C12orf42: variants seen among roughly 807,000 people sequenced by gnomAD.
The protein encoded by C12orf42 is uncharacterized protein C12orf42.
In C12orf42, 25 loss-of-function variants were observed where a neutral mutation model predicts 21.6. That is an observed-to-expected ratio of 1.16 (90% confidence interval 0.84 to 1.62). The LOEUF is 1.62. C12orf42 is among the 40% of genes most tolerant of loss of function. The pLI is 0.00. For synonymous variants in C12orf42, 174 were observed against 175.0 expected, an observed-to-expected ratio of 0.99 and a Z score of 0.05; for missense variants, 483 against 459.3, an observed-to-expected ratio of 1.05 and a Z score of -0.47.
chr12:103,117,567 CTTGTT>C, the C12orf42 span, among the ~76,000 whole-genome samples: 1 of 152,198 alleles, frequency 6.6e-6, no homozygotes, highest in Non-Finnish European at 1.5e-5. Flanking sequence ...CTTACATTTC[CTTGTT>C]TAACCTTCAC....
the C12orf42 span, among the ~76,000 whole-genome samples, chr12:103,127,383 T>C: frequency 6.6e-6 from 1 of 152,192 alleles, no homozygotes; most frequent in Non-Finnish European, 1.5e-5. Context: ...ATTATTCACG[T>C]GCTATTACCC....
At chr12:103,277,810 G>A (rs922755548) in intron 4 of C12orf42, among the ~76,000 whole-genome samples, 2 of 151,866 alleles carry the variant, frequency 1.3e-5, no homozygotes, top group Non-Finnish European at 2.9e-5. Flanking sequence ...TAGTAGAGAT[G>A]GGGTTTCACT....
the C12orf42 span, among the ~76,000 whole-genome samples, chr12:103,115,357 T>A: frequency 6.6e-6 from 1 of 152,178 alleles, no homozygotes; most frequent in South Asian, 2.1e-4. Context: ...CACACCCCAA[T>A]TACAGCTTAG....
At chr12:103,201,878 CA>C in the C12orf42 span, among the ~76,000 whole-genome samples, 1 of 152,066 alleles carries the variant, frequency 6.6e-6, no homozygotes. Context: ...TTGTTAACAT[CA>C]TTTGCATAGT....
At chr12:103,305,883 A>T in intron 5 of C12orf42, 91 bp downstream of exon 5, 1 of 1,429,576 alleles carries the variant, frequency 7.0e-7, no homozygotes, top group Non-Finnish European at 9.4e-7. Context: ...ACTGGCCATG[A>T]AGTCAATATT....
At chr12:103,121,301 GTGATT>G in the C12orf42 span, among the ~76,000 whole-genome samples, 1 of 152,186 alleles carries the variant, frequency 6.6e-6, no homozygotes, top group Non-Finnish European at 1.5e-5. Flanking sequence ...ACTACAGATT[GTGATT>G]TACCAGAGAA....
the C12orf42 span, among the ~76,000 whole-genome samples, chr12:103,137,695 A>C: frequency 6.6e-6 from 1 of 152,206 alleles, no homozygotes; most frequent in African/African-American, 2.4e-5. Flanking sequence ...TCATCCATAA[A>C]ACATAGAAAT....
In C12orf42 at chr12:103,302,534, G is replaced by A; in HGVS notation, c.657C>T (p.Ala219=). 1.2e-6 allele frequency: 2 copies of A among 1,609,658 alleles called. No individual in the cohort carries two copies. The highest frequency in any genetic ancestry group is 1.7e-6 in the Non-Finnish European group (2 of 1,177,940). Residue 219 remains alanine, a synonymous_variant, in exon 6 of 6, where the codon GCC becomes GCT. Coordinates refer to ENST00000548883, the MANE Select transcript of C12orf42 (RefSeq NM_198521.5). ...TCTGGCTCCTCCTGCAGAGGCCGAT[G>A]GCAGTGGAAGGTCTGGCGGCAGAAC... The part of the protein sequence containing the change: ...NSGSAARPST[A]IGLCRRSQTP...
intron 10 of C12orf42, among the ~76,000 whole-genome samples, chr12:103,257,629 AT>A (rs966613534): frequency 2.4e-4 from 36 of 152,054 alleles, no homozygotes; most frequent in African/African-American, 8.5e-4. Context: ...TGGAAAACAC[AT>A]AGTTAAGGGA....
At chr12:103,337,959 TTAA>T (rs2041854464) in intron 4 of C12orf42, among the ~76,000 whole-genome samples, 2 of 152,212 alleles carry the variant, frequency 1.3e-5, no homozygotes, top group African/African-American at 4.8e-5. Context: ...CCACGTTATA[TTAA>T]TTGTCCATGT....
chr12:103,266,604 A>AT (rs80244051), downstream of C12orf42, among the ~76,000 whole-genome samples: 1,769 of 151,384 alleles, frequency 0.012, 97 homozygotes, highest in East Asian at 0.19. Context: ...TATCTCTTCC[A>AT]TTTTTTTTTA....
the C12orf42 span, among the ~76,000 whole-genome samples, chr12:103,216,394 A>G: frequency 2.0e-5 from 3 of 149,412 alleles, no homozygotes; most frequent in South Asian, 6.4e-4. Flanking sequence ...TTTTTGAGAC[A>G]GAGTCTCGCT....
chr12:103,267,947 C>T (rs1057088340), downstream of C12orf42: 2 of 151,908 alleles, frequency 1.3e-5, no homozygotes, highest in African/African-American at 4.8e-5. Context: ...AATAGTCCTT[C>T]CTATATTAGA....
the C12orf42 span, among the ~76,000 whole-genome samples, chr12:103,138,585 T>A: frequency 6.6e-6 from 1 of 152,314 alleles, no homozygotes; most frequent in Middle Eastern, 3.4e-3. Flanking sequence ...TTTACAGCAG[T>A]GTGAGAATGC....
chr12:103,269,940 T>C (rs1203369855), intron 5 of C12orf42: 1 of 152,146 alleles, frequency 6.6e-6, no homozygotes, highest in African/African-American at 2.4e-5. Flanking sequence ...AACACAGCCG[T>C]TTACAACCTT....
At chr12:103,168,090 A>G in the C12orf42 span, 1 of 455,808 alleles carries the variant, frequency 2.2e-6, no homozygotes, top group Non-Finnish European at 4.4e-6. Flanking sequence ...GGATACTTTT[A>G]TTCACCACAA....
At chr12:103,531,158 G>A in the C12orf42 span, among the ~76,000 whole-genome samples, 10 of 152,204 alleles carry the variant, frequency 6.6e-5, no homozygotes, top group East Asian at 1.3e-3. Flanking sequence ...TCCTAAAATC[G>A]TCTTTCTCTG....
At chr12:103,109,274 T>C in the C12orf42 span, among the ~76,000 whole-genome samples, 1 of 152,086 alleles carries the variant, frequency 6.6e-6, no homozygotes, top group African/African-American at 2.4e-5. Context: ...CTAGAGAACT[T>C]GGAAACAAAT....
intron 5 of C12orf42, among the ~76,000 whole-genome samples, chr12:103,273,049 A>G (rs1170438869): frequency 6.6e-6 from 1 of 152,212 alleles, no homozygotes; most frequent in Non-Finnish European, 1.5e-5. Flanking sequence ...ATGAAGTAGA[A>G]GAACATTTTT....
Sources: allele counts gnomAD v4.1 joint callset (sites outside exome capture counted in the v4.1 genomes callset), GRCh38; gene constraint gnomAD v4.1.1; transcripts MANE v1.5; gene names NCBI Gene and HGNC (gene_info 2026-07-23, HGNC 2026-07-21).